The following GNS variants were observed in gnomAD, a reference collection of about 807,000 sequenced individuals.
The protein encoded by GNS is glucosamine (N-acetyl)-6-sulfatase.
In GNS, 40 loss-of-function variants were observed where a neutral mutation model predicts 69.7. The observed-to-expected ratio is 0.57, with a 90% CI of 0.45 to 0.75. The LOEUF (loss-of-function observed/expected upper bound fraction) is 0.75. GNS is among the 30% of genes least tolerant of loss of function. The pLI is 0.00. For synonymous variants in GNS, 243 were observed against 251.6 expected (o/e 0.97, Z 0.32); for missense variants, 565 against 685.5 (o/e 0.82, Z 1.96).
In GNS at chr12:64,732,885, C is replaced by T. The variant is rs1869447706; in HGVS notation, c.1099-3828G>A. 2.0e-5 allele frequency among the ~76,000 whole-genome samples: 3 copies of T among 152,158 alleles called. No homozygotes were observed. The South Asian group carries it at 6.2e-4, about 32-fold the overall frequency. ...AAGTGCTAGGATTACAGGCGTGAGC[C>T]ACCATGCCCAGACAAAAAAATAAAT... On this transcript the variant is annotated intron_variant, in intron 9 of 13. Transcript: ENST00000258145.
At chr12:64,740,541 T>A in intron 7 of GNS, 65 bp downstream of exon 7, 1 of 874,176 alleles carries the variant, frequency 1.1e-6, no homozygotes, top group Non-Finnish European at 2.0e-6. Flanking sequence ...TGTGGTCTCC[T>A]CTTCATGAGC....
At chr12:64,750,129 C>T (rs1428800966) in intron 2 of GNS, among the ~76,000 whole-genome samples, 2 of 152,094 alleles carry the variant, frequency 1.3e-5, no homozygotes, top group Non-Finnish European at 2.9e-5. Context: ...TCACTGCAAC[C>T]TCTACCTCCT....
At chr12:64,730,434 C>CAAAAAAAAAAAAAAAAAAAAAAA (rs35692874) in intron 9 of GNS, among the ~76,000 whole-genome samples, 7 of 43,390 alleles carry the variant, frequency 1.6e-4, no homozygotes, top group East Asian at 8.8e-4. Context: ...ATATGAAAGG[C>CAAAAAAAAAAAAAAAAAAAAAAA]AAAAAAAAAA....
At chr12:64,722,699 A>AT (rs1273402532) in intron 11 of GNS, 5 of 365,486 alleles carry the variant, frequency 1.4e-5, no homozygotes, top group Non-Finnish European at 2.6e-5. Flanking sequence ...ATTATCCCTA[A>AT]TTAAAAAAAA....
chr12:64,728,766 A>G (rs1218529233), intron 10 of GNS, among the ~76,000 whole-genome samples, 190 bp downstream of exon 10: 2 of 152,172 alleles, frequency 1.3e-5, no homozygotes, highest in Non-Finnish European at 2.9e-5. Flanking sequence ...AAGGAGAGCA[A>G]AAGAGGGGAG....
At chr12:64,748,864 ACT>A (rs766908073) in intron 2 of GNS, among the ~76,000 whole-genome samples, 5 of 152,118 alleles carry the variant, frequency 3.3e-5, no homozygotes, top group Admixed American at 6.5e-5. Flanking sequence ...TTGAGCACAC[ACT>A]CATGCAAAAA....
At position 64,720,085 on chromosome 12, in the gene GNS, C is replaced by G. The variant is rs746970479; in HGVS notation, c.1517G>C (p.Arg506Pro). The G allele has an allele frequency of 6.2e-7, 1 of 1,610,688 alleles. No individual in the cohort carries two copies. Among genetic ancestry groups the G allele is most frequent in the Admixed American group, 1.7e-5 (1 of 59,978 alleles). Reference sequence around the variant, plus strand: ...AGAACAGGACTGTAACATCATTAACCGATAGTTCATCTTTCCTAAAAGCTC... The same window carrying G: ...AGAACAGGACTGTAACATCATTAACGGATAGTTCATCTTTCCTAAAAGCTC... The part of the protein sequence containing the change: ...DPELLGKMNY[R>P]LMMLQSCSGP... Residue 506 changes from arginine to proline, a missense_variant, in exon 13 of 14, where the codon CGG becomes CCG. Physicochemically the swap from Arg to Pro is moderately radical, Grantham distance 103. This residue lies in a region of GNS where 384 missense variants were observed against 511.0 expected (regional missense o/e 0.75). Coordinates refer to ENST00000258145, the MANE Select transcript of GNS (RefSeq NM_002076.4).
At chr12:64,729,246 C>CT in intron 9 of GNS, 189 bp from the exon 10 acceptor site, 1 of 604,616 alleles carries the variant, frequency 1.7e-6, no homozygotes, top group Non-Finnish European at 3.0e-6. Context: ...AATATAAAGG[C>CT]TTATAAGGCT....
In GNS at chr12:64,745,694, G is replaced by A. The variant is rs763124311; in HGVS notation, c.490C>T (p.His164Tyr). ...CAGTAACTCCAACCCAGAGGAACGT[G>A]TTCTAGTCCACCTGCATCTGGGGCT... ...YGAPDAGGLEHVPLGWSYWYA... is the reference protein window; with the variant it reads ...YGAPDAGGLEYVPLGWSYWYA... Residue 164 changes from histidine to tyrosine, a missense_variant, in exon 4 of 14, where the codon CAC becomes TAC. Around this residue, in one of 2 missense-constraint regions of GNS, gnomAD observed 384 missense variants for 511.0 expected, o/e 0.75. Transcript: ENST00000258145. 3 of 1,609,262 alleles carry A rather than the reference G, an allele frequency of 1.9e-6. No homozygotes were observed. In the South Asian group the frequency reaches 3.3e-5, roughly 18 times the overall value.
rs1294004920 is a variant in GNS, at chr12:64,752,736, C to A, written c.214G>T (p.Ala72Ser). 1 of 1,526,450 alleles carries A rather than the reference C, an allele frequency of 6.6e-7. No individual in the cohort carries two copies. The highest frequency in any genetic ancestry group is 1.1e-5 in the South Asian group (1 of 88,862). 94.6% of individuals were successfully genotyped at this position (1,526,450 alleles called of 1,614,324 possible). A position where few individuals can be genotyped will look rare whatever the true frequency, so the allele number is the denominator to read the frequency against. ...GGMTPLKKTK[A>S]LIGEMGMTFS... is the part of the protein sequence containing the mutation. The stretch of plus-strand genomic sequence containing the variant: ...GTCATCCCCATCTCTCCGATGAGAG[C>A]TTTGGTTTTCTTTAGCGGTGTCTGT... Residue 72 changes from alanine (A) to serine (S), a missense_variant, in exon 2 of 14, where the codon GCT becomes TCT. Coordinates refer to ENST00000258145, the MANE Select transcript of GNS (RefSeq NM_002076.4).
At position 64,741,066 on chromosome 12, in the gene GNS, G is replaced by A. The variant is rs552673182; in HGVS notation, c.793-378C>T. ...TACAATTAGAAAATGGGCAAATAGG[G>A]CGTAGTGGCGGGCGCCTGTAGTCCC... On this transcript the variant is annotated intron_variant, in intron 6 of 13. Coordinates refer to ENST00000258145, the MANE Select transcript of GNS (RefSeq NM_002076.4). Among the ~76,000 whole-genome samples the A allele has an allele frequency of 1.3e-3, 23 of 17,308 alleles. No individual in the cohort carries two copies. The East Asian group carries it at 0.14, about 105-fold the overall frequency. The allele number at this position is 17,308 out of a possible 152,430, so 11.4% of individuals were successfully genotyped here. A position where few individuals can be genotyped will look rare whatever the true frequency, so the allele number is the denominator to read the frequency against.
intron 10 of GNS, among the ~76,000 whole-genome samples, chr12:64,724,165 C>A (rs547741153): frequency 6.6e-6 from 1 of 152,312 alleles, no homozygotes; most frequent in East Asian, 1.9e-4. Flanking sequence ...TTAGTAAGAA[C>A]TCTTGGTGAT....
chr12:64,758,356 C>T (rs1167626738), intron 1 of GNS, among the ~76,000 whole-genome samples: 1 of 115,302 alleles, frequency 8.7e-6, no homozygotes, highest in Non-Finnish European at 1.6e-5. Context: ...CGGAGTCTCG[C>T]TCTGTCGCCA....
chr12:64,719,987 A>C, intron 13 of GNS, 35 bp downstream of exon 13: 1 of 1,532,804 alleles, frequency 6.5e-7, no homozygotes, highest in Non-Finnish European at 9.0e-7. Flanking sequence ...ACTAGAAAAA[A>C]CTTGGCCAAG....
intron 1 of GNS, 90 bp downstream of exon 1, chr12:64,758,995 G>T: frequency 9.1e-7 from 1 of 1,093,242 alleles, no homozygotes. Context: ...GCCAGTTCGG[G>T]GAGGAGGGTG....
intron 10 of GNS, among the ~76,000 whole-genome samples, chr12:64,723,518 A>G (rs1231156955): frequency 6.6e-6 from 1 of 152,222 alleles, no homozygotes; most frequent in East Asian, 1.9e-4. Flanking sequence ...CCTAATAGAC[A>G]CAAGGACAAT....
chr12:64,757,174 G>T (rs1430392076), intron 1 of GNS, among the ~76,000 whole-genome samples: 1 of 152,104 alleles, frequency 6.6e-6, no homozygotes, highest in African/African-American at 2.4e-5. Context: ...GCAAGACCCT[G>T]ACTCAAAAAA....
chr12:64,721,725 G>A lies in GNS; in HGVS notation c.1309-20C>T, dbSNP rs963356574. The A allele has an allele frequency of 3.4e-6, 4 of 1,185,742 alleles. No homozygotes were observed. The Admixed American group carries it at 6.7e-5, about 20-fold the overall frequency. 73.5% of individuals were successfully genotyped at this position (1,185,742 alleles called of 1,614,324 possible). On this transcript the variant is annotated intron_variant, in intron 11 of 13. Coordinates refer to ENST00000258145, the MANE Select transcript of GNS (RefSeq NM_002076.4). The stretch of plus-strand genomic sequence containing the variant: ...GCATTGCTGTAGGGATATTTCAAAA[G>A]TTAAATGAAGACAGTTCTTCCATAG...
intron 6 of GNS, among the ~76,000 whole-genome samples, chr12:64,741,863 A>G (rs1233593410): frequency 6.6e-6 from 1 of 152,260 alleles, no homozygotes; most frequent in Admixed American, 6.5e-5. Context: ...AACTCTGAGA[A>G]GTCCTGTAGC....
Sources: gnomAD v4.1 joint callset for allele counts (sites outside exome capture counted in the v4.1 genomes callset) on GRCh38, gnomAD v4.1.1 for gene constraint, gnomAD v4.1.1 regional missense constraint, MANE v1.5 for transcripts, NCBI Gene and HGNC (gene_info 2026-07-23, HGNC 2026-07-21) for gene names.